The following RIF1 variants were observed in gnomAD, a reference collection of about 807,000 sequenced individuals.
RIF1 encodes the protein telomere-associated protein RIF1.
In RIF1, 45 loss-of-function variants were observed where a neutral mutation model predicts 247.1. The observed-to-expected ratio is 0.18, with a 90% CI of 0.14 to 0.23. The LOEUF (loss-of-function observed/expected upper bound fraction) is 0.23. RIF1 is among the 10% of genes least tolerant of loss of function. The pLI is 1.00. For missense variants in RIF1, 2,967 were observed against 2,862.5 expected (o/e 1.04, Z -0.83); for synonymous variants, 1,087 against 978.8 (o/e 1.11, Z -2.06).
the RIF1 span, chr2:151,518,500 G>A: frequency 1.4e-5 from 12 of 855,454 alleles, no homozygotes; most frequent in East Asian, 2.4e-5. Context: ...TAGATTAGAC[G>A]TTTACACAGC....
intron 9 of RIF1, among the ~76,000 whole-genome samples, chr2:151,494,679 T>C (rs986375828): frequency 3.3e-5 from 5 of 152,186 alleles, no homozygotes; most frequent in Non-Finnish European, 7.4e-5. Flanking sequence ...AGAGGAGTCT[T>C]GCTCTGTCAC....
intron 20 of RIF1, 133 bp downstream of exon 20, chr2:151,446,708 A>T: frequency 1.1e-6 from 1 of 899,622 alleles, no homozygotes; most frequent in Non-Finnish European, 1.8e-6. Flanking sequence ...ACTGCAAACA[A>T]GTATGCTTTG....
intron 21 of RIF1, among the ~76,000 whole-genome samples, chr2:151,453,168 C>A (rs983006656): frequency 2.0e-5 from 3 of 152,138 alleles, no homozygotes; most frequent in African/African-American, 7.2e-5. Flanking sequence ...CTGCTCCCCC[C>A]TCCCCCCAGA....
rs140179405 is a variant in RIF1 at position 151,456,594 on chromosome 2, A to G, written c.2626A>G (p.Lys876Glu). 244 of 1,528,744 alleles carry G rather than the reference A, an allele frequency of 1.6e-4. No individual in the cohort carries two copies. In the African/African-American group the frequency reaches 3.1e-3, roughly 19 times the overall value. 94.7% of individuals were successfully genotyped at this position (1,528,744 alleles called of 1,614,324 possible). A position where few individuals can be genotyped will look rare whatever the true frequency, so the allele number is the denominator to read the frequency against. ...CCTTCCTAGGCTTGATGAAGTTCCTAAAGTATATAGTTGTCTGAACAACAA... is the reference window on the plus strand; with the variant it reads ...CCTTCCTAGGCTTGATGAAGTTCCTGAAGTATATAGTTGTCTGAACAACAA... Reference protein sequence around the residue: ...YENSKLDEVPKVYSCLNNKLE... With the variant: ...YENSKLDEVPEVYSCLNNKLE... The change falls in exon 23 of 36, where the codon AAA becomes GAA. Residue 876 changes from lysine (K) to glutamate (E), a missense_variant. Lys to Glu is a moderately conservative substitution (Grantham distance 56). Around this residue, in one of 7 missense-constraint regions of RIF1, gnomAD observed 2,028 missense variants for 1,825.6 expected, o/e 1.11. Transcript: ENST00000444746.
At position 151,463,257 on chromosome 2, in the gene RIF1, C is replaced by G; in HGVS notation, c.3737C>G (p.Thr1246Ser). Residue 1246 changes from threonine to serine, a missense_variant, in exon 30 of 36, where the codon ACT (threonine) becomes AGT (serine). This residue lies in a region of RIF1 where 2,028 missense variants were observed against 1,825.6 expected (regional missense o/e 1.11). Coordinates refer to ENST00000444746, the MANE Select transcript of RIF1 (RefSeq NM_018151.5). The part of the protein sequence containing the change: ...SPSPLNNISS[T>S]VTVKNNQETM... Reference sequence around the variant, plus strand: ...TCCCCCTTGAATAATATTTCATCAACTGTTACAGTGAAAAATAACCAGGAA... The same window carrying G: ...TCCCCCTTGAATAATATTTCATCAAGTGTTACAGTGAAAAATAACCAGGAA... The G allele has an allele frequency of 6.2e-7, 1 of 1,613,352 alleles. No homozygotes were observed.
intron 10 of RIF1, among the ~76,000 whole-genome samples, chr2:151,498,992 T>C (rs2062390046): frequency 6.6e-6 from 1 of 151,802 alleles, no homozygotes; most frequent in South Asian, 2.1e-4. Context: ...AAAATACATT[T>C]GTTTAAGCTT....
chr2:151,430,107 G>A (rs1364430538), intron 9 of RIF1, among the ~76,000 whole-genome samples: 2 of 151,040 alleles, frequency 1.3e-5, no homozygotes, highest in African/African-American at 4.9e-5. Flanking sequence ...TGCAAGCTCC[G>A]CCTCCTGGGT....
intron 8 of RIF1, among the ~76,000 whole-genome samples, chr2:151,427,023 G>A (rs568964460): frequency 4.6e-5 from 7 of 151,858 alleles, no homozygotes; most frequent in Non-Finnish European, 8.8e-5. Flanking sequence ...GATCTATTAC[G>A]AAGTATTTCC....
chr2:151,502,672 CTG>C (rs1472623117), intron 11 of RIF1: 1 of 672,298 alleles, frequency 1.5e-6, no homozygotes, highest in African/African-American at 1.8e-5. Flanking sequence ...GGGTTGAAAA[CTG>C]AGGTAATATT....
the RIF1 span, chr2:151,532,048 T>C: frequency 1.7e-6 from 1 of 594,150 alleles, no homozygotes; most frequent in African/African-American, 1.9e-5. Flanking sequence ...TTGTGTCTGA[T>C]AGCAAAAGTG....
chr2:151,528,471 A>T, the RIF1 span, among the ~76,000 whole-genome samples: 1 of 152,168 alleles, frequency 6.6e-6, no homozygotes, highest in Non-Finnish European at 1.5e-5. Flanking sequence ...GGATTTTGCA[A>T]GGTACGTTTT....
In RIF1 at chr2:151,468,742, T is replaced by C. The variant is rs774562947; in HGVS notation, c.6927T>C (p.Ile2309=). 1.2e-6 allele frequency: 2 copies of C among 1,610,802 alleles called. No homozygotes were observed. The highest frequency in any genetic ancestry group is 1.3e-5 in the African/African-American group (1 of 74,994). The change falls in exon 33 of 36, where the codon ATT becomes ATC. Residue 2309 remains isoleucine, a synonymous_variant. Coordinates refer to ENST00000444746, the MANE Select transcript of RIF1 (RefSeq NM_018151.5). The stretch of plus-strand genomic sequence containing the variant: ...CAGTTGACATCATTTTACCTCAGAT[T>C]ACATCAAACATGTGGTAAGTGGTTA... ...VAPVDIILPQ[I]TSNMWARGLG...
In RIF1 at chr2:151,451,699, G is replaced by A; in HGVS notation, c.2338G>A (p.Val780Ile). 1 of 1,391,348 alleles carries A rather than the reference G, an allele frequency of 7.2e-7. No homozygotes were observed. The highest frequency in any genetic ancestry group is 1.0e-6 in the Non-Finnish European group (1 of 979,570). The allele number at this position is 1,391,348 out of a possible 1,614,324, so 86.2% of individuals were successfully genotyped here. A position where few individuals can be genotyped will look rare whatever the true frequency, so the allele number is the denominator to read the frequency against. The change falls in exon 21 of 36, where the codon GTT (valine) becomes ATT (isoleucine). Residue 780 changes from valine (V) to isoleucine (I), a missense_variant. This residue lies in a region of RIF1 where 2,028 missense variants were observed against 1,825.6 expected (regional missense o/e 1.11). Transcript: ENST00000444746. ...SPYNIKYQPK[V>I]KSPQRPSDWS... The stretch of plus-strand genomic sequence containing the variant: ...ATATAATATTAAATATCAGCCCAAA[G>A]TTAAATGTAAGTATGTATTTTTTAA...
chr2:151,420,031 C>T (rs538685396), intron 6 of RIF1, among the ~76,000 whole-genome samples, 159 bp from the exon 7 acceptor site: 5 of 152,192 alleles, frequency 3.3e-5, no homozygotes, highest in African/African-American at 9.6e-5. Context: ...TGTGCAAATT[C>T]GTAAAAATAA....
At chr2:151,414,277 ACT>A (rs1341535951) in intron 3 of RIF1, among the ~76,000 whole-genome samples, 6 of 136,826 alleles carry the variant, frequency 4.4e-5, no homozygotes, top group African/African-American at 1.7e-4. Flanking sequence ...CAAGAGCGAA[ACT>A]CTGTCTCAAA....
chr2:151,465,790 G>C lies in RIF1; in HGVS notation c.6270G>C (p.Glu2090Asp). 6.2e-7 allele frequency: 1 copy of C among 1,613,100 alleles called. No individual in the cohort carries two copies. The highest frequency in any genetic ancestry group is 8.5e-7 in the Non-Finnish European group (1 of 1,179,136). The change falls in exon 30 of 36, where the codon GAG (glutamate) becomes GAC (aspartate). Residue 2090 changes from glutamate to aspartate, a missense_variant. Glu to Asp is a conservative substitution (Grantham distance 45, BLOSUM62 2). Transcript: ENST00000444746. ...IDANKTETNT[E>D]YSKSEEKLDN... is the part of the protein sequence containing the mutation. ...CTAATAAAACTGAAACAAATACTGAGTATAGTAAATCTGAAGAAAAATTAG... is the reference window on the plus strand; with the variant it reads ...CTAATAAAACTGAAACAAATACTGACTATAGTAAATCTGAAGAAAAATTAG...
chr2:151,433,009 C>A, intron 9 of RIF1, 68 bp from the exon 10 acceptor site: 2 of 1,195,440 alleles, frequency 1.7e-6, no homozygotes, highest in Non-Finnish European at 2.4e-6. Flanking sequence ...AAGACTGTTG[C>A]ATAGCTAGTG....
rs886054926 is a variant in RIF1 at position 151,492,127 on chromosome 2, C to T, written c.*416-3102C>T. 33 of 1,613,810 alleles carry T rather than the reference C, an allele frequency of 2.0e-5. No homozygotes were observed. In the Middle Eastern group the frequency reaches 4.9e-4, roughly 24 times the overall value. On this transcript the variant is annotated intron_variant and NMD_transcript_variant, in intron 9 of 13. Coordinates refer to the RIF1 transcript ENST00000454583. ...AATAGTCTCCTGATCTTGGTCATTC[C>T]GTTTTTGTTCCATTTCTACCACTTT...
Position 151,463,835 on chromosome 2 carries a change from C to G in RIF1, c.4315C>G (p.Gln1439Glu). Residue 1439 changes from glutamine to glutamate, a missense_variant, in exon 30 of 36, where the codon CAA becomes GAA. Gln to Glu is a conservative substitution (Grantham distance 29). Around this residue, in one of 7 missense-constraint regions of RIF1, gnomAD observed 2,028 missense variants for 1,825.6 expected, o/e 1.11. Coordinates refer to ENST00000444746, the MANE Select transcript of RIF1 (RefSeq NM_018151.5). ...AAGCCAAGATAAGGAAAATAGTCATCAAAAAAAGGAACGACGTAAGGAAGA... is the reference window on the plus strand; with the variant it reads ...AAGCCAAGATAAGGAAAATAGTCATGAAAAAAAGGAACGACGTAAGGAAGA... Reference protein sequence around the residue: ...TESQDKENSHQKKERRKEEEK... With the variant: ...TESQDKENSHEKKERRKEEEK... 6.2e-7 allele frequency: 1 copy of G among 1,609,082 alleles called. No homozygotes were observed. The highest frequency in any genetic ancestry group is 8.5e-7 in the Non-Finnish European group (1 of 1,178,812).
Sources: gnomAD v4.1 joint callset for allele counts (sites outside exome capture counted in the v4.1 genomes callset) on GRCh38, gnomAD v4.1.1 for gene constraint, gnomAD v4.1.1 regional missense constraint, MANE v1.5 for transcripts, NCBI Gene and HGNC (gene_info 2026-07-23, HGNC 2026-07-21) for gene names.